TNNI3K: variants seen among roughly 807,000 people sequenced by gnomAD.
TNNI3K encodes the protein TNNI3 interacting kinase, also known as serine/threonine-protein kinase TNNI3K.
TNNI3K carries 140 observed loss-of-function variants against 114.5 expected under a neutral mutation model. The ratio of observed to expected loss-of-function variants is 1.22; its 90% CI spans 1.07 to 1.41. The LOEUF (loss-of-function observed/expected upper bound fraction) is 1.41, where lower values mean the gene tolerates loss of function less well. Ranked by LOEUF, TNNI3K falls within the 40% of genes most tolerant of loss-of-function variation. The pLI, the probability that TNNI3K is intolerant of heterozygous loss-of-function variation, is 0.00. For missense variants in TNNI3K, 1,125 were observed against 1,007.6 expected (o/e 1.12, Z -1.58); for synonymous variants, 347 against 347.5 (o/e 1.00, Z 0.02).
At chr1:74,336,285 A>G in intron 7 of TNNI3K, 136 bp downstream of exon 7, 2 of 1,130,694 alleles carry the variant, frequency 1.8e-6, no homozygotes, top group East Asian at 3.1e-5. Context: ...ACAAGTCATA[A>G]TTCATCTTTA....
chr1:74,518,209 A>G (rs1481871483), intron 23 of TNNI3K, among the ~76,000 whole-genome samples: 1 of 152,174 alleles, frequency 6.6e-6, no homozygotes, highest in Non-Finnish European at 1.5e-5. Context: ...TGATCAATGG[A>G]GGAAAAAAGA....
At chr1:74,304,906 T>C (rs1658530960) in intron 5 of TNNI3K, among the ~76,000 whole-genome samples, 1 of 152,224 alleles carries the variant, frequency 6.6e-6, no homozygotes, top group African/African-American at 2.4e-5. Context: ...TTTATTGCTG[T>C]GTTCTGGAAC....
At chr1:74,309,859 A>G (rs960275151) in intron 5 of TNNI3K, among the ~76,000 whole-genome samples, 5 of 152,210 alleles carry the variant, frequency 3.3e-5, no homozygotes, top group African/African-American at 1.2e-4. Context: ...ATCATACTGA[A>G]AGGGCAAAAG....
chr1:74,322,055 A>G (rs1235450007), intron 5 of TNNI3K, among the ~76,000 whole-genome samples: 3 of 152,194 alleles, frequency 2.0e-5, no homozygotes, highest in Non-Finnish European at 2.9e-5. Flanking sequence ...TCTAAAGCAA[A>G]TGTTACCATC....
intron 5 of TNNI3K, among the ~76,000 whole-genome samples, chr1:74,301,131 G>T (rs1244887969): frequency 6.6e-6 from 1 of 152,166 alleles, no homozygotes; most frequent in Non-Finnish European, 1.5e-5. Flanking sequence ...TGGGTGTGGT[G>T]GTTCATGCCT....
chr1:74,389,896 T>G (rs991260898), intron 17 of TNNI3K, among the ~76,000 whole-genome samples: 1 of 151,942 alleles, frequency 6.6e-6, no homozygotes, highest in African/African-American at 2.4e-5. Flanking sequence ...TTAGGAGCCA[T>G]TAGGAAAAGG....
chr1:74,415,122 C>A (rs1485985209), intron 17 of TNNI3K, among the ~76,000 whole-genome samples: 1 of 152,144 alleles, frequency 6.6e-6, no homozygotes, highest in Non-Finnish European at 1.5e-5. Flanking sequence ...ACACTCTAAG[C>A]ATGCCCAATT....
chr1:74,480,821 C>T (rs759182053), intron 21 of TNNI3K: 39 of 717,414 alleles, frequency 5.4e-5, no homozygotes, highest in Non-Finnish European at 3.4e-5. Context: ...CATCGTAAGC[C>T]CATGCAGGGC....
chr1:74,289,891 A>T (rs775136117), intron 5 of TNNI3K, among the ~76,000 whole-genome samples: 2,800 of 152,030 alleles, frequency 0.018, 67 homozygotes, highest in Admixed American at 0.053. Flanking sequence ...AATGAGAGAC[A>T]GTCACTTTGT....
At chr1:74,395,337 G>T (rs1664021206) in intron 17 of TNNI3K, among the ~76,000 whole-genome samples, 1 of 20,528 alleles carries the variant, frequency 4.9e-5, no homozygotes, top group South Asian at 1.4e-3. Flanking sequence ...CCTATATGGG[G>T]AACTCTGCCT....
intron 17 of TNNI3K, among the ~76,000 whole-genome samples, chr1:74,435,444 A>G (rs555376174): frequency 6.6e-6 from 1 of 152,046 alleles, no homozygotes; most frequent in East Asian, 1.9e-4. Context: ...GAGAACATTT[A>G]AGATCTACTC....
At chr1:74,305,501 G>A (rs1486150983) in intron 5 of TNNI3K, among the ~76,000 whole-genome samples, 7 of 152,196 alleles carry the variant, frequency 4.6e-5, no homozygotes, top group African/African-American at 9.7e-5. Flanking sequence ...TGTAAGGAGG[G>A]AGCTGTGCTC....
intron 2 of TNNI3K, 48 bp from the exon 3 acceptor site, chr1:74,249,408 CAAT>C: frequency 6.5e-7 from 1 of 1,541,514 alleles, no homozygotes; most frequent in Non-Finnish European, 8.8e-7. Flanking sequence ...AAATGAAAGA[CAAT>C]ATGCTAAAAG....
At chr1:74,252,658 T>G (rs774314899) in intron 4 of TNNI3K, among the ~76,000 whole-genome samples, 1 of 151,834 alleles carries the variant, frequency 6.6e-6, no homozygotes, top group Non-Finnish European at 1.5e-5. Context: ...TCGCTGGCTA[T>G]GGAGTGAAGC....
intron 21 of TNNI3K, chr1:74,480,871 G>A (rs757639646): frequency 4.0e-5 from 29 of 717,320 alleles, no homozygotes; most frequent in Non-Finnish European, 1.8e-5. Context: ...TGCTTAGGGA[G>A]AGCAGGGCAA....
intron 4 of TNNI3K, among the ~76,000 whole-genome samples, chr1:74,256,594 A>T (rs1394765384): frequency 6.6e-6 from 1 of 151,898 alleles, no homozygotes; most frequent in Non-Finnish European, 1.5e-5. Flanking sequence ...TAACAGTGTC[A>T]TTTGAAGAGT....
intron 9 of TNNI3K, among the ~76,000 whole-genome samples, chr1:74,352,338 C>T (rs1358821595): frequency 6.6e-6 from 1 of 152,166 alleles, no homozygotes; most frequent in Admixed American, 6.5e-5. Flanking sequence ...AGTTTTGTCT[C>T]AGAGGAGTAC....
chr1:74,312,093 C>G (rs919071830), intron 5 of TNNI3K, among the ~76,000 whole-genome samples: 2 of 152,102 alleles, frequency 1.3e-5, no homozygotes, highest in Non-Finnish European at 2.9e-5. Context: ...TACTATACTT[C>G]TTGGGTTGAA....
chr1:74,395,760 A>G (rs1034082111), intron 17 of TNNI3K, among the ~76,000 whole-genome samples: 7 of 152,212 alleles, frequency 4.6e-5, no homozygotes, highest in Non-Finnish European at 8.8e-5. Context: ...GCTCAGACAC[A>G]GAGACTAACT....
Sources: gnomAD v4.1 joint callset for allele counts (sites outside exome capture counted in the v4.1 genomes callset) on GRCh38, gnomAD v4.1.1 for gene constraint, MANE v1.5 for transcripts, NCBI Gene and HGNC (gene_info 2026-07-23, HGNC 2026-07-21) for gene names.